The following PRKN variants were observed in gnomAD, a reference collection of about 807,000 sequenced individuals.
The protein encoded by PRKN is E3 ubiquitin-protein ligase parkin.
In PRKN, 56 loss-of-function variants were observed where a neutral mutation model predicts 59.5. That is an observed-to-expected ratio of 0.94 (90% CI 0.76 to 1.18). PRKN has a LOEUF of 1.18. Ranked by LOEUF, PRKN falls within the 50% of genes most tolerant of loss-of-function variation. The probability of loss-of-function intolerance (pLI) is 0.00; values close to 1 mark genes in which losing one functional copy is unlikely to be tolerated. For synonymous variants in PRKN, 250 were observed against 222.1 expected (o/e 1.13, Z -1.12); for missense variants, 657 against 596.4 (o/e 1.10, Z -1.06).
chr6:162,355,255 T>C (rs941493319), intron 2 of PRKN, among the ~76,000 whole-genome samples: 3 of 151,154 alleles, frequency 2.0e-5, no homozygotes, highest in Non-Finnish European at 2.9e-5. Context: ...AACATAATTA[T>C]GTTTTAGATC....
intron 7 of PRKN, among the ~76,000 whole-genome samples, chr6:161,719,480 T>A (rs1295179845): frequency 1.3e-5 from 2 of 152,166 alleles, no homozygotes; most frequent in Non-Finnish European, 2.9e-5. Flanking sequence ...AGCTTTCTTG[T>A]CTGCAACACT....
At chr6:161,699,611 A>G (rs1312192915) in intron 7 of PRKN, among the ~76,000 whole-genome samples, 2 of 152,172 alleles carry the variant, frequency 1.3e-5, no homozygotes, top group African/African-American at 2.4e-5. Flanking sequence ...CAGACCTAAT[A>G]AGAGTACAGG....
At chr6:162,238,305 T>A (rs1344912799) in intron 3 of PRKN, among the ~76,000 whole-genome samples, 2 of 152,144 alleles carry the variant, frequency 1.3e-5, no homozygotes, top group Non-Finnish European at 2.9e-5. Context: ...CTAGGGGCAA[T>A]AGGCTACACC....
At chr6:162,486,289 T>C (rs1792537547) in intron 1 of PRKN, among the ~76,000 whole-genome samples, 1 of 152,200 alleles carries the variant, frequency 6.6e-6, no homozygotes, top group Admixed American at 6.5e-5. Flanking sequence ...GCCTGCTGTT[T>C]AAGCAAAAAT....
intron 9 of PRKN, among the ~76,000 whole-genome samples, chr6:161,494,558 C>T (rs1022096145): frequency 7.9e-5 from 12 of 152,196 alleles, no homozygotes; most frequent in African/African-American, 2.9e-4. Flanking sequence ...TCTGTTTGTG[C>T]AAGGAGGCAC....
chr6:162,614,831 T>G (rs1465504182), intron 1 of PRKN, among the ~76,000 whole-genome samples: 1 of 152,194 alleles, frequency 6.6e-6, no homozygotes, highest in Non-Finnish European at 1.5e-5. Context: ...CACAGTTTAG[T>G]TGGTTTTGCT....
rs76867943 is a variant in PRKN at position 162,016,885 on chromosome 6, G to C, written c.618+37206C>G. The stretch of plus-strand genomic sequence containing the variant: ...TCAGGATCATGCAGTAACAAGAGGG[G>C]ATGGGCAGGATGGATGCCTACCCAA... On this transcript the variant is annotated intron_variant, in intron 5 of 11. Transcript: ENST00000366898. 7.6e-3 allele frequency among the ~76,000 whole-genome samples: 1,157 copies of C among 152,130 alleles called. 18 individuals are homozygous for C. The highest frequency in any genetic ancestry group is 0.026 in the African/African-American group (1,098 of 41,508).
chr6:161,923,286 C>T (rs535814121), intron 6 of PRKN, among the ~76,000 whole-genome samples: 2 of 152,298 alleles, frequency 1.3e-5, no homozygotes, highest in African/African-American at 4.8e-5. Context: ...AGTTTGAGAC[C>T]AGCCTGGCCA....
chr6:161,418,887 T>C (rs972823445), intron 9 of PRKN, among the ~76,000 whole-genome samples: 1 of 152,214 alleles, frequency 6.6e-6, no homozygotes, highest in African/African-American at 2.4e-5. Context: ...GCTTATAAAA[T>C]GCATTGGCAT....
chr6:162,156,347 A>C (rs1340134518), intron 4 of PRKN, among the ~76,000 whole-genome samples: 1 of 152,204 alleles, frequency 6.6e-6, no homozygotes, highest in African/African-American at 2.4e-5. Context: ...CACGATCACA[A>C]GGTGAAATCC....
intron 1 of PRKN, among the ~76,000 whole-genome samples, chr6:162,492,756 A>C (rs945290708): frequency 2.0e-5 from 3 of 152,046 alleles, no homozygotes; most frequent in Non-Finnish European, 4.4e-5. Context: ...TCCAGACCAT[A>C]CTGACTAACA....
chr6:161,715,629 C>T lies in PRKN; in HGVS notation c.871+70143G>A, dbSNP rs1018484892. ...CTGACATTGTTCCTTCTTAAACATGCGGTGAAAACTAGAGGTTCACCACTG... is the reference window on the plus strand; with the variant it reads ...CTGACATTGTTCCTTCTTAAACATGTGGTGAAAACTAGAGGTTCACCACTG... On this transcript the variant is annotated intron_variant, in intron 7 of 11. Coordinates refer to ENST00000366898, the MANE Select transcript of PRKN (RefSeq NM_004562.3). Among the ~76,000 whole-genome samples, 11 of 152,154 alleles carry T rather than the reference C, an allele frequency of 7.2e-5. No homozygotes were observed. The East Asian group carries it at 1.3e-3, about 19-fold the overall frequency.
chr6:162,249,904 G>C (rs1053925112), intron 3 of PRKN, among the ~76,000 whole-genome samples: 6 of 152,232 alleles, frequency 3.9e-5, no homozygotes, highest in East Asian at 1.9e-4. Context: ...CAGCACTTTG[G>C]GAGGCCGAGG....
At chr6:161,477,849 G>A (rs1449614226) in intron 9 of PRKN, among the ~76,000 whole-genome samples, 1 of 152,146 alleles carries the variant, frequency 6.6e-6, no homozygotes, top group African/African-American at 2.4e-5. Context: ...ATTATCTGGA[G>A]GGGAAGATAA....
chr6:161,363,351 A>G lies in PRKN; in HGVS notation c.1168-3146T>C, dbSNP rs142607493. ...GTCACAATTAACCAGGGAGATGTAAAAAAGAAACAAATTTCTTTGTTTTGT... is the reference window on the plus strand; with the variant it reads ...GTCACAATTAACCAGGGAGATGTAAGAAAGAAACAAATTTCTTTGTTTTGT... On this transcript the variant is annotated intron_variant, in intron 10 of 11. Transcript: ENST00000366898. This position sits in a 1 kb window ranked among gnomAD's most constrained non-coding sequence, Gnocchi z 4.1. Among the ~76,000 whole-genome samples, 47 of 152,364 alleles carry G rather than the reference A, an allele frequency of 3.1e-4. No homozygotes were observed. The highest frequency in any genetic ancestry group is 1.1e-3 in the African/African-American group (46 of 41,590).
At chr6:162,593,051 A>G (rs1214358668) in intron 1 of PRKN, among the ~76,000 whole-genome samples, 4 of 152,142 alleles carry the variant, frequency 2.6e-5, no homozygotes, top group Non-Finnish European at 5.9e-5. Context: ...AAGGAGAGAC[A>G]AGTGCTGCTG....
At chr6:162,177,337 A>C (rs1244715586) in intron 4 of PRKN, among the ~76,000 whole-genome samples, 3 of 152,204 alleles carry the variant, frequency 2.0e-5, no homozygotes, top group Non-Finnish European at 2.9e-5. Context: ...GTGAGTGTGA[A>C]TGCATGCCAG....
At chr6:162,479,180 ACT>A (rs987196513) in intron 1 of PRKN, among the ~76,000 whole-genome samples, 28 of 151,174 alleles carry the variant, frequency 1.9e-4, no homozygotes, top group Middle Eastern at 6.8e-3. Flanking sequence ...TCATATCCTT[ACT>A]CTATATGCTG....
intron 1 of PRKN, among the ~76,000 whole-genome samples, chr6:162,681,516 T>G (rs576186391): frequency 3.3e-5 from 5 of 152,180 alleles, no homozygotes; most frequent in African/African-American, 1.2e-4. Context: ...CTTGTCTGCA[T>G]GGTAGATGGG....
Sources: allele counts gnomAD v4.1 joint callset (sites outside exome capture counted in the v4.1 genomes callset), GRCh38; gene constraint gnomAD v4.1.1; non-coding constraint Gnocchi (gnomAD v3.1); transcripts MANE v1.5; gene names NCBI Gene and HGNC (gene_info 2026-07-23, HGNC 2026-07-21).